PALM2AKAP2: variants seen among roughly 807,000 people sequenced by gnomAD.
The protein encoded by PALM2AKAP2 is PALM2 and AKAP2 fusion, also known as PALM2-AKAP2 fusion protein.
A neutral mutation model predicts 71.5 loss-of-function variants in PALM2AKAP2; 37 were observed. The ratio of observed to expected loss-of-function variants is 0.52; its 90% CI spans 0.40 to 0.68. The LOEUF is 0.68. Ranked by LOEUF, PALM2AKAP2 falls within the 30% of genes least tolerant of loss-of-function variation. The probability of loss-of-function intolerance (pLI) is 0.00; values close to 1 mark genes in which losing one functional copy is unlikely to be tolerated. For synonymous variants in PALM2AKAP2, 468 were observed against 478.8 expected (o/e 0.98, Z 0.29); for missense variants, 1,224 against 1,191.8 (o/e 1.03, Z -0.40).
intron 1 of PALM2AKAP2, among the ~76,000 whole-genome samples, chr9:109,665,438 C>G (rs1045809221): frequency 6.6e-6 from 1 of 152,172 alleles, no homozygotes; most frequent in African/African-American, 2.4e-5. Context: ...TTCTAACAGT[C>G]AGGTCCTTTA....
At chr9:110,037,549 T>C in intron 7 of PALM2AKAP2, among the ~76,000 whole-genome samples, 1 of 152,224 alleles carries the variant, frequency 6.6e-6, no homozygotes, top group East Asian at 1.9e-4. Flanking sequence ...TGCCAAGCTC[T>C]AGGCATCTAG....
chr9:110,163,327 TATC>T (rs1836650348), intron 3 of PALM2AKAP2, among the ~76,000 whole-genome samples: 1 of 152,198 alleles, frequency 6.6e-6, no homozygotes, highest in Non-Finnish European at 1.5e-5. Context: ...AAGTTCCTGA[TATC>T]ATGGAACTGG....
chr9:110,153,548 A>G (rs1836375371), intron 2 of PALM2AKAP2, among the ~76,000 whole-genome samples: 1 of 152,228 alleles, frequency 6.6e-6, no homozygotes, highest in Non-Finnish European at 1.5e-5. Flanking sequence ...CTGATTCTCT[A>G]TGGGAGATTC....
Position 109,966,363 on chromosome 9 carries a change from G to A in PALM2AKAP2, c.496+34335G>A, listed in dbSNP as rs74864848. On this transcript the variant is annotated intron_variant, in intron 6 of 9. Transcript: ENST00000302798. ...AAGATATCAAGGAAGAGGTGGCAAA[G>A]TGTTAAATGTTTAGCAGAATAGCTC... Among the ~76,000 whole-genome samples the A allele has an allele frequency of 5.3e-5, 8 of 152,344 alleles. No individual in the cohort carries two copies. In the East Asian group the frequency reaches 1.5e-3, roughly 29 times the overall value.
At chr9:110,152,840 G>A (rs1256200410) in intron 2 of PALM2AKAP2, among the ~76,000 whole-genome samples, 1 of 152,186 alleles carries the variant, frequency 6.6e-6, no homozygotes, top group South Asian at 2.1e-4. Context: ...ACTTGGGGAG[G>A]ATCATCAGAG....
intron 7 of PALM2AKAP2, among the ~76,000 whole-genome samples, chr9:110,039,837 A>G (rs564808391): frequency 6.6e-6 from 1 of 152,302 alleles, no homozygotes; most frequent in Admixed American, 6.5e-5. Context: ...GGGAATCACA[A>G]ACTGTTTCTG....
chr9:109,646,149 G>C (rs1013134786), intron 1 of PALM2AKAP2, among the ~76,000 whole-genome samples: 6 of 152,292 alleles, frequency 3.9e-5, no homozygotes, highest in African/African-American at 1.4e-4. Context: ...AGAAGGTAGG[G>C]TTGGTGTCAT....
intron 1 of PALM2AKAP2, among the ~76,000 whole-genome samples, chr9:109,726,397 G>T (rs1252088697): frequency 1.3e-5 from 2 of 152,234 alleles, no homozygotes; most frequent in Non-Finnish European, 2.9e-5. Flanking sequence ...AGCAGAGCAG[G>T]CTCCTGTACT....
chr9:110,117,406 C>T (rs995715896), intron 1 of PALM2AKAP2, among the ~76,000 whole-genome samples: 2 of 152,030 alleles, frequency 1.3e-5, no homozygotes, highest in East Asian at 1.9e-4. Context: ...ATTACAGACA[C>T]GAGCCACTGT....
At chr9:109,803,538 T>G (rs1827491655) in intron 1 of PALM2AKAP2, among the ~76,000 whole-genome samples, 1 of 152,188 alleles carries the variant, frequency 6.6e-6, no homozygotes, top group Non-Finnish European at 1.5e-5. Flanking sequence ...TATTCCCCCC[T>G]GAGATGCTGG....
intron 1 of PALM2AKAP2, among the ~76,000 whole-genome samples, chr9:109,799,385 G>A (rs960997975): frequency 1.3e-5 from 2 of 152,212 alleles, no homozygotes; most frequent in Non-Finnish European, 2.9e-5. Flanking sequence ...GGCAGGATGA[G>A]GCAGGGAGCT....
chr9:109,754,481 G>A (rs1167302500), intron 1 of PALM2AKAP2, among the ~76,000 whole-genome samples: 2 of 152,138 alleles, frequency 1.3e-5, no homozygotes, highest in Non-Finnish European at 2.9e-5. Flanking sequence ...TATAGTCACA[G>A]TGTTCTATGG....
intron 1 of PALM2AKAP2, among the ~76,000 whole-genome samples, chr9:109,795,787 G>A (rs1827236718): frequency 6.6e-6 from 1 of 152,210 alleles, no homozygotes; most frequent in Non-Finnish European, 1.5e-5. Context: ...CCCTGTGCCA[G>A]GGCACTGTTC....
rs997221557 is a variant in PALM2AKAP2 at position 110,000,454 on chromosome 9, A to C, written c.497-15500A>C. ...TGGTTCCAAGTCTTTGCTATTGTGAATACTGCCGCAATAAACATATGTGTG... is the reference window on the plus strand; with the variant it reads ...TGGTTCCAAGTCTTTGCTATTGTGACTACTGCCGCAATAAACATATGTGTG... On this transcript the variant is annotated intron_variant, in intron 6 of 9. Transcript: ENST00000302798. Among the ~76,000 whole-genome samples, 18 of 152,304 alleles carry C rather than the reference A, an allele frequency of 1.2e-4. No homozygotes were observed. The South Asian group carries it at 2.1e-3, about 18-fold the overall frequency.
chr9:109,994,672 C>T (rs1418575531), intron 6 of PALM2AKAP2, among the ~76,000 whole-genome samples: 1 of 152,152 alleles, frequency 6.6e-6, no homozygotes, highest in Non-Finnish European at 1.5e-5. Flanking sequence ...CATCACTGGT[C>T]TTGCTTTGGT....
At chr9:109,897,636 C>T (rs551597804) in intron 3 of PALM2AKAP2, among the ~76,000 whole-genome samples, 1 of 152,162 alleles carries the variant, frequency 6.6e-6, no homozygotes, top group African/African-American at 2.4e-5. Flanking sequence ...TTATCATGAC[C>T]CAAATGCTAT....
At chr9:109,962,014 T>C (rs1465718025) in intron 6 of PALM2AKAP2, among the ~76,000 whole-genome samples, 15 of 152,192 alleles carry the variant, frequency 9.9e-5, no homozygotes, top group Non-Finnish European at 2.2e-4. Context: ...TAGTTATAAT[T>C]GCCACCAACA....
At chr9:109,702,564 G>A (rs1176162318) in intron 1 of PALM2AKAP2, among the ~76,000 whole-genome samples, 1 of 151,082 alleles carries the variant, frequency 6.6e-6, no homozygotes, top group Non-Finnish European at 1.5e-5. Context: ...GACACAGGAA[G>A]GGGAACATCA....
chr9:109,722,543 A>G (rs764718034), intron 1 of PALM2AKAP2, among the ~76,000 whole-genome samples: 111 of 152,306 alleles, frequency 7.3e-4, no homozygotes, highest in Non-Finnish European at 7.4e-4. Flanking sequence ...AGGCTGAGAT[A>G]GGCGGGTTGC....
Sources: allele counts gnomAD v4.1 joint callset (sites outside exome capture counted in the v4.1 genomes callset), GRCh38; gene constraint gnomAD v4.1.1; transcripts MANE v1.5; gene names NCBI Gene and HGNC (gene_info 2026-07-23, HGNC 2026-07-21).